The following CMPK1 variants were observed in gnomAD, a reference collection of about 807,000 sequenced individuals.
CMPK1 encodes cytidine/uridine monophosphate kinase 1.
Under a neutral mutation model 25.7 loss-of-function variants are expected in CMPK1, and 10 were observed. That is an observed-to-expected ratio of 0.39 (90% confidence interval 0.24 to 0.66). The LOEUF is 0.66. Ranked by LOEUF, CMPK1 falls within the 30% of genes least tolerant of loss-of-function variation. The pLI is 0.48. For missense variants in CMPK1, 199 were observed against 280.5 expected (o/e 0.71, Z 2.08); for synonymous variants, 106 against 101.5 (o/e 1.04, Z -0.27).
intron 1 of CMPK1, among the ~76,000 whole-genome samples, chr1:47,345,161 G>A (rs954263643): frequency 6.6e-6 from 1 of 151,966 alleles, no homozygotes; most frequent in African/African-American, 2.4e-5. Flanking sequence ...CAGGTGATCC[G>A]CCTGCTTCAG....
At chr1:47,365,126 T>C (rs1336321677) in intron 1 of CMPK1, among the ~76,000 whole-genome samples, 1 of 152,184 alleles carries the variant, frequency 6.6e-6, no homozygotes, top group Non-Finnish European at 1.5e-5. Flanking sequence ...ATCTCTGCTA[T>C]GTTCCCTCTA....
intron 1 of CMPK1, among the ~76,000 whole-genome samples, chr1:47,342,030 C>G (rs1421704489): frequency 6.6e-6 from 1 of 152,054 alleles, no homozygotes; most frequent in African/African-American, 2.4e-5. Context: ...CCTGCCTTAT[C>G]CTTCAGAGTA....
At chr1:47,350,479 T>C (rs1646515314) in intron 1 of CMPK1, among the ~76,000 whole-genome samples, 1 of 152,088 alleles carries the variant, frequency 6.6e-6, no homozygotes, top group Non-Finnish European at 1.5e-5. Flanking sequence ...CTTGAACTCT[T>C]GGGCTCAAGT....
At chr1:47,350,338 G>A (rs930531228) in intron 1 of CMPK1, among the ~76,000 whole-genome samples, 1 of 152,098 alleles carries the variant, frequency 6.6e-6, no homozygotes, top group Non-Finnish European at 1.5e-5. Flanking sequence ...TCGGGCTCAG[G>A]TGATTCTCCC....
chr1:47,365,650 A>AAAAG (rs66993103), intron 1 of CMPK1, among the ~76,000 whole-genome samples: 1 of 149,692 alleles, frequency 6.7e-6, no homozygotes, highest in Admixed American at 6.7e-5. Context: ...AAAAAAAAAA[A>AAAAG]GTGAGAGAAA....
chr1:47,370,782 C>CAA lies in CMPK1; in HGVS notation c.319-2155_319-2154dup, dbSNP rs60407679. Among the ~76,000 whole-genome samples the CAA allele has an allele frequency of 1.9e-3, 218 of 116,374 alleles. 1 individual carries two copies. The highest frequency in any genetic ancestry group is 0.014 in the Middle Eastern group (3 of 210). 76.3% of individuals were successfully genotyped at this position (116,374 alleles called of 152,430 possible). A position where few individuals can be genotyped will look rare whatever the true frequency, so the allele number is the denominator to read the frequency against. Reference sequence around the variant, plus strand: ...TGAAACCCCATCTCTACTAAAAATACAAAAAAAAAAAAAAAAAAATTAGTC... The same window carrying CAA: ...TGAAACCCCATCTCTACTAAAAATACAAAAAAAAAAAAAAAAAAAAATTAGTC... On this transcript the variant is annotated intron_variant, in intron 2 of 5. Transcript: ENST00000371873.
At chr1:47,372,560 A>G (rs998516865) in intron 2 of CMPK1, among the ~76,000 whole-genome samples, 2 of 152,200 alleles carry the variant, frequency 1.3e-5, no homozygotes, top group African/African-American at 4.8e-5. Flanking sequence ...TTGCTGGAGC[A>G]AAGATAATGG....
chr1:47,350,270 C>T (rs968154748), intron 1 of CMPK1, among the ~76,000 whole-genome samples: 11 of 150,084 alleles, frequency 7.3e-5, no homozygotes, highest in East Asian at 4.0e-4. Context: ...CAGGACCTTG[C>T]GCTGTCACCA....
chr1:47,355,632 A>C (rs1437213483), intron 1 of CMPK1, among the ~76,000 whole-genome samples: 1 of 143,856 alleles, frequency 7.0e-6, no homozygotes, highest in African/African-American at 2.6e-5. Context: ...GGGGGGACAG[A>C]GTCTCGCTCT....
At chr1:47,368,235 C>T (rs982583102) in intron 1 of CMPK1, among the ~76,000 whole-genome samples, 1 of 152,130 alleles carries the variant, frequency 6.6e-6, no homozygotes, top group African/African-American at 2.4e-5. Flanking sequence ...TGAGCCACTA[C>T]GCCCAGCCAG....
At chr1:47,375,162 T>C in intron 4 of CMPK1, 35 bp from the exon 5 acceptor site, 1 of 1,489,390 alleles carries the variant, frequency 6.7e-7, no homozygotes, top group Middle Eastern at 1.8e-4. Flanking sequence ...AAAGGATAGA[T>C]ACCTAGAACC....
At chr1:47,348,110 A>AG (rs1646497573) in intron 1 of CMPK1, among the ~76,000 whole-genome samples, 1 of 152,186 alleles carries the variant, frequency 6.6e-6, no homozygotes. Context: ...GTCACGTAGG[A>AG]GTACAGTATT....
In CMPK1 at chr1:47,377,869, T is replaced by C. The variant is rs1167369750; in HGVS notation, c.*1124T>C. On this transcript the variant is annotated 3_prime_UTR_variant, in exon 6 of 6. Coordinates refer to ENST00000371873, the MANE Select transcript of CMPK1 (RefSeq NM_016308.3). Reference sequence around the variant, plus strand: ...AAGATAAATGATTTTTAAAAGGCTATAGAGTCCAAAGGAATATTCTTTTAC... The same window carrying C: ...AAGATAAATGATTTTTAAAAGGCTACAGAGTCCAAAGGAATATTCTTTTAC... 1 of 152,642 alleles carries C rather than the reference T, an allele frequency of 6.6e-6. No individual in the cohort carries two copies. The highest frequency in any genetic ancestry group is 1.5e-5 in the Non-Finnish European group (1 of 68,030). The allele number at this position is 152,642 out of a possible 1,614,324, so 9.5% of individuals were successfully genotyped here. A position where few individuals can be genotyped will look rare whatever the true frequency, so the allele number is the denominator to read the frequency against.
At chr1:47,374,864 G>A in intron 3 of CMPK1, 45 bp from the exon 4 acceptor site, 1 of 1,456,494 alleles carries the variant, frequency 6.9e-7, no homozygotes. Flanking sequence ...TAAAAGAATG[G>A]CAAATTCATA....
At chr1:47,340,044 TCC>T (rs1557800810) in intron 1 of CMPK1, among the ~76,000 whole-genome samples, 2 of 4,024 alleles carry the variant, frequency 5.0e-4, no homozygotes, top group Non-Finnish European at 9.3e-4. Context: ...TTCCCTCCCC[TCC>T]CCTCCCCTCC....
chr1:47,355,389 C>G (rs1646553101), intron 1 of CMPK1, among the ~76,000 whole-genome samples: 1 of 142,992 alleles, frequency 7.0e-6, no homozygotes, highest in African/African-American at 2.6e-5. Context: ...ACTCTGTCAC[C>G]CAGGCTGGAG....
At position 47,358,167 on chromosome 1, in the gene CMPK1, A is replaced by C. The variant is rs1009280269; in HGVS notation, c.172-10302A>C. On this transcript the variant is annotated intron_variant, in intron 1 of 5. Transcript: ENST00000371873. ...CATTCTGTTTCCTAGGCTAGAGTGC[A>C]GTGGTACAGTTATAGCTTACTGCCG... 3.8e-5 allele frequency: 10 copies of C among 261,152 alleles called. No homozygotes were observed. The Admixed American group carries it at 4.1e-4, about 11-fold the overall frequency. The allele number at this position is 261,152 out of a possible 1,614,324, so 16.2% of individuals were successfully genotyped here.
chr1:47,359,872 T>C (rs1646589922), intron 1 of CMPK1, among the ~76,000 whole-genome samples: 1 of 152,178 alleles, frequency 6.6e-6, no homozygotes, highest in Non-Finnish European at 1.5e-5. Flanking sequence ...AGTGATTTGA[T>C]GTATACAAAG....
chr1:47,373,942 C>T (rs1646692222), intron 3 of CMPK1, among the ~76,000 whole-genome samples: 1 of 152,226 alleles, frequency 6.6e-6, no homozygotes, highest in South Asian at 2.1e-4. Context: ...AAATACATTT[C>T]TCAGAATCAT....
Sources: allele counts gnomAD v4.1 joint callset (sites outside exome capture counted in the v4.1 genomes callset), GRCh38; gene constraint gnomAD v4.1.1; transcripts MANE v1.5; gene names NCBI Gene and HGNC (gene_info 2026-07-23, HGNC 2026-07-21).